Variants in SCARA5 observed in about 807,000 individuals in gnomAD.
SCARA5 encodes the protein scavenger receptor class A member 5, also known as scavenger receptor class A, member 5 (putative).
SCARA5 carries 45 observed loss-of-function variants against 46.3 expected under a neutral mutation model. That is an observed-to-expected ratio of 0.97 (90% CI 0.76 to 1.24). The LOEUF is 1.24. SCARA5 is among the 50% of genes most tolerant of loss of function. The probability of loss-of-function intolerance (pLI) is 0.00; values close to 1 mark genes in which losing one functional copy is unlikely to be tolerated. For missense variants in SCARA5, 680 were observed against 689.0 expected (o/e 0.99, Z 0.15); for synonymous variants, 333 against 306.5 (o/e 1.09, Z -0.90).
At chr8:27,872,398 G>C (rs911760931) in intron 8 of SCARA5, among the ~76,000 whole-genome samples, 2 of 152,224 alleles carry the variant, frequency 1.3e-5, no homozygotes, top group Admixed American at 6.5e-5. Context: ...CTTGAAGTAC[G>C]TGGGTAAAAT....
chr8:27,982,294 T>A, intron 2 of SCARA5, among the ~76,000 whole-genome samples: 1 of 150,312 alleles, frequency 6.7e-6, no homozygotes, highest in East Asian at 2.0e-4. Context: ...CACTCCCAGA[T>A]CGGCCTCCTC....
chr8:27,914,016 C>G (rs1248685377), intron 4 of SCARA5, among the ~76,000 whole-genome samples: 1 of 152,174 alleles, frequency 6.6e-6, no homozygotes, highest in Non-Finnish European at 1.5e-5. Context: ...AACTGTAGCT[C>G]CCATAATTCC....
intron 3 of SCARA5, among the ~76,000 whole-genome samples, chr8:27,959,685 T>G (rs1808264543): frequency 6.6e-6 from 1 of 152,188 alleles, no homozygotes; most frequent in African/African-American, 2.4e-5. Flanking sequence ...ATGATATGAT[T>G]TGTTCCGGCA....
At chr8:27,990,298 G>T (rs1456556699) in intron 1 of SCARA5, among the ~76,000 whole-genome samples, 5 of 152,152 alleles carry the variant, frequency 3.3e-5, no homozygotes, top group Non-Finnish European at 7.3e-5. Flanking sequence ...TTGTTACTTG[G>T]AATTGAAACC....
chr8:27,943,719 G>A (rs996809883), intron 3 of SCARA5, among the ~76,000 whole-genome samples: 2 of 152,216 alleles, frequency 1.3e-5, no homozygotes, highest in African/African-American at 4.8e-5. Context: ...GCAGCGGTCA[G>A]AGAGGAAAAC....
chr8:27,887,927 G>A (rs1466575291), intron 7 of SCARA5, among the ~76,000 whole-genome samples: 2 of 152,184 alleles, frequency 1.3e-5, no homozygotes, highest in African/African-American at 4.8e-5. Context: ...AAACTAAAGA[G>A]AACATCTTAA....
At chr8:27,958,729 C>A (rs1019045167) in intron 3 of SCARA5, among the ~76,000 whole-genome samples, 1 of 152,218 alleles carries the variant, frequency 6.6e-6, no homozygotes, top group Non-Finnish European at 1.5e-5. Context: ...TAACTGGGAT[C>A]GCTGACAAGA....
chr8:27,919,229 G>A (rs1284825599), intron 4 of SCARA5, among the ~76,000 whole-genome samples: 1 of 109,288 alleles, frequency 9.2e-6, no homozygotes, highest in Non-Finnish European at 2.0e-5. Context: ...AGAAGGAGGA[G>A]GAGGAAGAGA....
At chr8:27,939,002 G>A (rs1807901021) in intron 3 of SCARA5, among the ~76,000 whole-genome samples, 1 of 152,162 alleles carries the variant, frequency 6.6e-6, no homozygotes, top group Non-Finnish European at 1.5e-5. Context: ...CTGATTAACG[G>A]TGGAGGGGGC....
At chr8:27,971,239 G>A (rs1303520618) in intron 2 of SCARA5, among the ~76,000 whole-genome samples, 1 of 152,250 alleles carries the variant, frequency 6.6e-6, no homozygotes, top group Non-Finnish European at 1.5e-5. Flanking sequence ...AGGGAGCGGT[G>A]ACACAAGCAA....
In SCARA5 at chr8:27,921,951, T is replaced by A. The variant is rs1228274307; in HGVS notation, c.536A>T (p.Asp179Val). 1 of 1,544,678 alleles carries A rather than the reference T, an allele frequency of 6.5e-7. No individual in the cohort carries two copies. The highest frequency in any genetic ancestry group is 1.9e-5 in the Admixed American group (1 of 53,248). The stretch of plus-strand genomic sequence containing the variant: ...CTGGTAGAGCTCCAGCTGCGCCGTG[T>A]CGCTCTGCTGGCCCGTGCGGTCCCG... Reference protein sequence around the residue: ...LLRDRTGQQSDTAQLELYQLQ... With the variant: ...LLRDRTGQQSVTAQLELYQLQ... The change falls in exon 4 of 9, where the codon GAC becomes GTC. Residue 179 changes from aspartate (D) to valine (V), a missense_variant. Asp to Val is a radical substitution (Grantham distance 152). This residue lies in a region of SCARA5 where 438 missense variants were observed against 384.5 expected (regional missense o/e 1.14). Coordinates refer to ENST00000354914, the MANE Select transcript of SCARA5 (RefSeq NM_173833.6).
At chr8:27,942,666 C>T (rs1233226594) in intron 3 of SCARA5, among the ~76,000 whole-genome samples, 3 of 152,264 alleles carry the variant, frequency 2.0e-5, no homozygotes, top group East Asian at 3.9e-4. Flanking sequence ...TCGGGCTGCA[C>T]GGTACTGCAG....
intron 3 of SCARA5, among the ~76,000 whole-genome samples, chr8:27,965,823 G>C (rs989888919): frequency 1.3e-5 from 2 of 152,194 alleles, no homozygotes; most frequent in African/African-American, 4.8e-5. Flanking sequence ...GAGCTGGGCT[G>C]CTCACAGCTT....
chr8:27,938,803 C>T (rs1585501589), intron 3 of SCARA5, among the ~76,000 whole-genome samples: 1 of 152,146 alleles, frequency 6.6e-6, no homozygotes, highest in Admixed American at 6.5e-5. Flanking sequence ...AAATGTAGCA[C>T]CCACCCATCG....
At chr8:27,936,721 G>A (rs73568942) in intron 3 of SCARA5, among the ~76,000 whole-genome samples, 165 of 151,868 alleles carry the variant, frequency 1.1e-3, no homozygotes, top group East Asian at 9.7e-4. Context: ...CTGAATCCGC[G>A]GAAGCATGGA....
chr8:27,914,494 C>G (rs1807429998), intron 4 of SCARA5, among the ~76,000 whole-genome samples: 1 of 152,230 alleles, frequency 6.6e-6, no homozygotes. Context: ...AACTGTGGTT[C>G]CCAAGGAGGA....
intron 4 of SCARA5, among the ~76,000 whole-genome samples, chr8:27,913,469 A>G (rs937716019): frequency 3.3e-5 from 5 of 152,212 alleles, no homozygotes; most frequent in African/African-American, 1.2e-4. Context: ...CAGAAACCCA[A>G]GCTGGAAATC....
Position 27,992,241 on chromosome 8 carries a change from T to A in SCARA5, c.-16+16A>T, listed in dbSNP as rs978189924. The stretch of plus-strand genomic sequence containing the variant: ...GCATGCCCAGGAGATAGGACAAAAT[T>A]AGTACCAAGACTCACCTGAGTGCCC... On this transcript the variant is annotated intron_variant, in intron 1 of 8. Coordinates refer to ENST00000354914, the MANE Select transcript of SCARA5 (RefSeq NM_173833.6). The A allele has an allele frequency of 2.0e-5, 3 of 152,320 alleles. No individual in the cohort carries two copies. Among genetic ancestry groups the A allele is most frequent in the African/African-American group, 7.2e-5 (3 of 41,546 alleles). The allele number at this position is 152,320 out of a possible 1,614,324, so 9.4% of individuals were successfully genotyped here.
At chr8:27,941,871 G>C (rs1807952061) in intron 3 of SCARA5, among the ~76,000 whole-genome samples, 1 of 150,480 alleles carries the variant, frequency 6.6e-6, no homozygotes, top group African/African-American at 2.4e-5. Flanking sequence ...CTGTCACCCA[G>C]GCTGGAGGGC....
Sources: allele counts gnomAD v4.1 joint callset (sites outside exome capture counted in the v4.1 genomes callset), GRCh38; gene constraint gnomAD v4.1.1; regional missense constraint gnomAD v4.1.1; transcripts MANE v1.5; gene names NCBI Gene and HGNC (gene_info 2026-07-23, HGNC 2026-07-21).